Variants in TUSC3 observed in about 807,000 individuals in gnomAD.
TUSC3 encodes dolichyl-diphosphooligosaccharide--protein glycosyltransferase subunit TUSC3.
A neutral mutation model predicts 44.8 loss-of-function variants in TUSC3; 45 were observed. The ratio of observed to expected loss-of-function variants is 1.00; its 90% CI spans 0.79 to 1.29. The LOEUF (loss-of-function observed/expected upper bound fraction) is 1.29, where lower values mean the gene tolerates loss of function less well. Among genes scored for constraint, TUSC3 ranks in the 50% most tolerant of loss-of-function variants. The probability of loss-of-function intolerance (pLI) is 0.00; values close to 1 mark genes in which losing one functional copy is unlikely to be tolerated. For synonymous variants in TUSC3, 212 were observed against 152.9 expected (o/e 1.39, Z -2.85); for missense variants, 519 against 437.9 (o/e 1.19, Z -1.65).
the TUSC3 span, among the ~76,000 whole-genome samples, chr8:15,775,657 C>G: frequency 3.4e-5 from 5 of 147,504 alleles, no homozygotes; most frequent in Admixed American, 6.8e-5. Context: ...TATACACACA[C>G]ATATACATAT....
intron 1 of TUSC3, among the ~76,000 whole-genome samples, chr8:15,457,174 G>A (rs4093834): frequency 0.4 from 52,151 of 130,732 alleles, 12,361 homozygotes; most frequent in East Asian, 0.54. Context: ...TTGTGAGGTG[G>A]GGGGAGGGGG....
chr8:15,847,033 C>T, the TUSC3 span, among the ~76,000 whole-genome samples: 426 of 152,248 alleles, frequency 2.8e-3, no homozygotes, highest in Non-Finnish European at 4.4e-3. Context: ...TTCAGCATAA[C>T]GCCCTAGTCC....
intron 5 of TUSC3, 38 bp downstream of exon 5, chr8:15,662,334 T>C: frequency 6.2e-7 from 1 of 1,611,058 alleles, no homozygotes. Flanking sequence ...TTTCCTGTTC[T>C]TTGTGTAATA....
At chr8:15,590,229 G>T (rs1027779407) in intron 1 of TUSC3, among the ~76,000 whole-genome samples, 2 of 152,100 alleles carry the variant, frequency 1.3e-5, no homozygotes, top group Non-Finnish European at 2.9e-5. Flanking sequence ...CTCTGCTCTG[G>T]TTTCAGGCCT....
chr8:15,604,857 A>T (rs1205117834), intron 1 of TUSC3, among the ~76,000 whole-genome samples: 1 of 151,770 alleles, frequency 6.6e-6, no homozygotes, highest in Non-Finnish European at 1.5e-5. Context: ...ATCTTACAAG[A>T]CCCAGGAAAA....
rs1186337543 is a variant in TUSC3, at chr8:15,634,857, G to T, written c.308+11608G>T. On this transcript the variant is annotated intron_variant, in intron 2 of 10. Coordinates refer to ENST00000503731, the MANE Select transcript of TUSC3 (RefSeq NM_006765.4). ...TCAGATGTTCGTCTGGAGAGTTTTA[G>T]TATGAGAGATATAAGGGCATTTCAA... Among the ~76,000 whole-genome samples the T allele has an allele frequency of 1.3e-5, 2 of 152,178 alleles. 1 individual carries two copies. Among genetic ancestry groups the T allele is most frequent in the South Asian group, 4.1e-4 (2 of 4,830 alleles).
upstream of TUSC3, among the ~76,000 whole-genome samples, chr8:15,536,771 G>A (rs1046495416): frequency 3.3e-5 from 5 of 149,730 alleles, no homozygotes; most frequent in African/African-American, 1.2e-4. Context: ...TGCCTGTATG[G>A]GAGGTTGGTG....
At chr8:15,533,327 G>C (rs1801476162) in intron 2 of TUSC3, among the ~76,000 whole-genome samples, 1 of 152,174 alleles carries the variant, frequency 6.6e-6, no homozygotes, top group Admixed American at 6.5e-5. Flanking sequence ...TTATGCTGTT[G>C]TCTAGCTAAG....
intron 1 of TUSC3, among the ~76,000 whole-genome samples, chr8:15,550,496 A>C (rs1338270529): frequency 6.6e-6 from 1 of 151,720 alleles, no homozygotes; most frequent in Non-Finnish European, 1.5e-5. Context: ...AGGTTTCCTC[A>C]TACCAGAGTT....
intron 1 of TUSC3, among the ~76,000 whole-genome samples, chr8:15,603,543 AATAT>A (rs1208073654): frequency 6.6e-6 from 1 of 151,670 alleles, no homozygotes; most frequent in Non-Finnish European, 1.5e-5. Context: ...TTTTAAGTAC[AATAT>A]ATAGGATTAT....
At chr8:15,419,514 G>C (rs1490846563) in intron 1 of TUSC3, among the ~76,000 whole-genome samples, 1 of 152,106 alleles carries the variant, frequency 6.6e-6, no homozygotes, top group South Asian at 2.1e-4. Flanking sequence ...TGCCAAATTT[G>C]ATGTGGCAAG....
intron 4 of TUSC3, among the ~76,000 whole-genome samples, chr8:15,660,372 G>C (rs1198669465): frequency 6.6e-6 from 1 of 151,904 alleles, no homozygotes; most frequent in Admixed American, 6.6e-5. Context: ...TTAATAGTAT[G>C]ATCTATTAGT....
chr8:15,615,377 T>C (rs896675021), intron 1 of TUSC3, among the ~76,000 whole-genome samples: 2 of 152,200 alleles, frequency 1.3e-5, no homozygotes, highest in Admixed American at 6.5e-5. Flanking sequence ...AAACATCACA[T>C]GTTCTCACTC....
chr8:15,851,817 G>A, the TUSC3 span, among the ~76,000 whole-genome samples: 1 of 152,082 alleles, frequency 6.6e-6, no homozygotes, highest in East Asian at 1.9e-4. Flanking sequence ...ATCTCATTTT[G>A]TATTGTAGCT....
chr8:15,533,320 T>C (rs1433412633), intron 2 of TUSC3, among the ~76,000 whole-genome samples: 2 of 152,236 alleles, frequency 1.3e-5, no homozygotes, highest in Non-Finnish European at 2.9e-5. Flanking sequence ...TAGTCACTTA[T>C]GCTGTTGTCT....
chr8:15,711,082 C>T (rs1428029559), intron 6 of TUSC3, among the ~76,000 whole-genome samples: 1 of 151,628 alleles, frequency 6.6e-6, no homozygotes, highest in Non-Finnish European at 1.5e-5. Context: ...GACATTAAAA[C>T]AGTAGTCCCC....
At chr8:15,642,909 C>G (rs960518559) in intron 2 of TUSC3, among the ~76,000 whole-genome samples, 5 of 152,128 alleles carry the variant, frequency 3.3e-5, no homozygotes, top group African/African-American at 9.7e-5. Context: ...TTTGCTAATT[C>G]TTTATTATTA....
At chr8:15,569,355 A>T (rs1802785959) in intron 1 of TUSC3, among the ~76,000 whole-genome samples, 2 of 152,168 alleles carry the variant, frequency 1.3e-5, no homozygotes. Flanking sequence ...ATACTCCATA[A>T]ATATAGATGA....
intron 5 of TUSC3, among the ~76,000 whole-genome samples, chr8:15,670,960 T>C (rs1441970369): frequency 5.9e-5 from 9 of 151,834 alleles, no homozygotes. Flanking sequence ...GAAATGCAAA[T>C]AAAATGACAG....
Sources: allele counts gnomAD v4.1 joint callset (sites outside exome capture counted in the v4.1 genomes callset), GRCh38; gene constraint gnomAD v4.1.1; transcripts MANE v1.5; gene names NCBI Gene and HGNC (gene_info 2026-07-23, HGNC 2026-07-21).